CFAP54: variants seen among roughly 807,000 people sequenced by gnomAD.
The protein encoded by CFAP54 is cilia- and flagella-associated protein 54.
CFAP54 carries 290 observed loss-of-function variants against 370.4 expected under a neutral mutation model. That is an observed-to-expected ratio of 0.78 (90% confidence interval 0.71 to 0.86). The LOEUF is 0.86. Among genes scored for constraint, CFAP54 ranks in the 40% least tolerant of loss-of-function variants. CFAP54 has a pLI of 0.00. For missense variants in CFAP54, 3,399 were observed against 3,528.7 expected, an observed-to-expected ratio of 0.96 and a Z score of 0.93; for synonymous variants, 1,206 against 1,236.5, an observed-to-expected ratio of 0.98 and a Z score of 0.52.
chr12:96,789,117 T>C lies in CFAP54; in HGVS notation c.8679+2219T>C, dbSNP rs192639827. 3.9e-5 allele frequency among the ~76,000 whole-genome samples: 6 copies of C among 152,342 alleles called. 1 individual carries two copies. The highest frequency in any genetic ancestry group is 2.6e-4 in the Admixed American group (4 of 15,304). On this transcript the variant is annotated intron_variant, in intron 62 of 67. Transcript: ENST00000524981. ...GATTTTCCAATCTGGCCTCATATTA[T>C]TGGGTCATTTCAGGCTCCTCATGTG... is the stretch of plus-strand genomic sequence containing the variant.
chr12:96,638,503 G>T (rs1258058289), intron 32 of CFAP54, among the ~76,000 whole-genome samples: 3 of 151,712 alleles, frequency 2.0e-5, no homozygotes, highest in Non-Finnish European at 4.4e-5. Flanking sequence ...CTCTCAAAGT[G>T]CTGGGATTAC....
chr12:96,554,840 T>C (rs966125034), intron 17 of CFAP54, 38 bp downstream of exon 17: 4 of 1,502,484 alleles, frequency 2.7e-6, no homozygotes. Flanking sequence ...TCTGAATCAA[T>C]TTTAAGCCAG....
intron 60 of CFAP54, among the ~76,000 whole-genome samples, chr12:96,776,775 G>C (rs1275168315): frequency 1.3e-5 from 2 of 152,204 alleles, no homozygotes; most frequent in African/African-American, 4.8e-5. Context: ...GCTGTTGAAT[G>C]ACATCTTTTA....
chr12:96,756,412 T>A (rs749543621), intron 56 of CFAP54, 46 bp from the exon 57 acceptor site: 1 of 1,081,812 alleles, frequency 9.2e-7, no homozygotes, highest in Non-Finnish European at 1.4e-6. Context: ...AAGTTCTAAG[T>A]GCTAGAAAAA....
chr12:96,817,451 C>T (rs1369764135), intron 64 of CFAP54, among the ~76,000 whole-genome samples: 9 of 148,992 alleles, frequency 6.0e-5, no homozygotes, highest in Admixed American at 2.0e-4. Flanking sequence ...TTTTCTGTCT[C>T]GCTCTGTCGC....
chr12:96,803,158 A>G (rs957211026), intron 63 of CFAP54, among the ~76,000 whole-genome samples: 1 of 152,194 alleles, frequency 6.6e-6, no homozygotes, highest in Non-Finnish European at 1.5e-5. Flanking sequence ...GTGTCTTTAC[A>G]GTAGAATGAT....
chr12:96,672,205 A>G (rs1397154983), intron 39 of CFAP54, among the ~76,000 whole-genome samples: 2 of 152,134 alleles, frequency 1.3e-5, no homozygotes, highest in Non-Finnish European at 2.9e-5. Flanking sequence ...AGAGAAAAGT[A>G]TTGGATAGAG....
chr12:96,831,063 A>G (rs1025979767), intron 66 of CFAP54, among the ~76,000 whole-genome samples: 2 of 152,174 alleles, frequency 1.3e-5, no homozygotes, highest in African/African-American at 4.8e-5. Context: ...TTTTATTGTT[A>G]GTAAGGCTAA....
At position 96,527,399 on chromosome 12, in the gene CFAP54, G is replaced by A; in HGVS notation, c.1312G>A (p.Asp438Asn). 4 of 1,531,522 alleles carry A rather than the reference G, an allele frequency of 2.6e-6. No individual in the cohort carries two copies. The highest frequency in any genetic ancestry group is 3.5e-6 in the Non-Finnish European group (4 of 1,144,312). 94.9% of individuals were successfully genotyped at this position (1,531,522 alleles called of 1,614,324 possible). ...TGTTACAGATGAAGTGGAGATTCAT[G>A]ATGTTGTCTCAGAATTGTTTATGGC... Reference protein sequence around the residue: ...PIVTDEVEIHDVVSELFMAGK... With the variant: ...PIVTDEVEIHNVVSELFMAGK... Residue 438 changes from aspartate to asparagine, a missense_variant, in exon 9 of 68, where the codon GAT becomes AAT. By Grantham distance (23) the Asp-to-Asn change is conservative. Coordinates refer to ENST00000524981, the MANE Select transcript of CFAP54 (RefSeq NM_001306084.2).
At chr12:96,748,265 C>T (rs1169451191) in intron 55 of CFAP54, among the ~76,000 whole-genome samples, 1 of 152,232 alleles carries the variant, frequency 6.6e-6, no homozygotes, top group Non-Finnish European at 1.5e-5. Flanking sequence ...CTCCTACTGT[C>T]TCTAGCTCCC....
chr12:96,664,787 A>ATCTATCTATC (rs1565934545), intron 39 of CFAP54, among the ~76,000 whole-genome samples: 9 of 15,056 alleles, frequency 6.0e-4, no homozygotes, highest in South Asian at 2.9e-3. Context: ...CTATATATAT[A>ATCTATCTATC]TATATATATA....
chr12:96,493,610 AAC>A lies in CFAP54; in HGVS notation c.317+3686_317+3687del, dbSNP rs535958368. On this transcript the variant is annotated intron_variant, in intron 1 of 67. Transcript: ENST00000524981. The stretch of plus-strand genomic sequence containing the variant: ...TCAGGTATTTGAGACCAGCCTGGCC[AAC>A]ATAGTGAAACCCTGTCTCTACTAAA... Among the ~76,000 whole-genome samples, 778 of 152,336 alleles carry A rather than the reference AAC, an allele frequency of 5.1e-3. 11 individuals carry two copies. The highest frequency in any genetic ancestry group is 0.018 in the African/African-American group (734 of 41,576).
At chr12:96,681,813 G>A (rs1347308308) in intron 40 of CFAP54, among the ~76,000 whole-genome samples, 1 of 152,062 alleles carries the variant, frequency 6.6e-6, no homozygotes, top group Non-Finnish European at 1.5e-5. Context: ...TGGCCAGGCT[G>A]ATCTCAAACT....
At chr12:96,829,260 T>C (rs1029401025) in intron 66 of CFAP54, among the ~76,000 whole-genome samples, 172 bp downstream of exon 66, 7 of 152,144 alleles carry the variant, frequency 4.6e-5, no homozygotes, top group Admixed American at 6.5e-5. Flanking sequence ...TTAAAAAAAT[T>C]ATGTGTTCAA....
chr12:96,750,283 C>T (rs955454429), intron 55 of CFAP54, among the ~76,000 whole-genome samples: 8 of 148,640 alleles, frequency 5.4e-5, no homozygotes, highest in African/African-American at 1.9e-4. Flanking sequence ...CCACCTGTCT[C>T]CTGCAGCAGC....
At chr12:96,861,134 TA>T (rs1453166128) in intron 67 of CFAP54, among the ~76,000 whole-genome samples, 182 bp downstream of exon 67, 1 of 152,230 alleles carries the variant, frequency 6.6e-6, no homozygotes, top group Non-Finnish European at 1.5e-5. Context: ...TGCTGCTTAT[TA>T]AAACTATCTT....
At chr12:96,826,659 T>C (rs1364086127) in intron 65 of CFAP54, among the ~76,000 whole-genome samples, 1 of 107,710 alleles carries the variant, frequency 9.3e-6, no homozygotes, top group Non-Finnish European at 1.7e-5. Context: ...TTAAATATAT[T>C]ATATATAAAT....
At chr12:96,827,749 TA>T (rs1169533096) in intron 65 of CFAP54, among the ~76,000 whole-genome samples, 29 of 116,464 alleles carry the variant, frequency 2.5e-4, no homozygotes, top group African/African-American at 6.0e-4. Context: ...TTATATATAA[TA>T]CATAGTAACA....
At chr12:96,566,497 A>T (rs10735346) in intron 19 of CFAP54, among the ~76,000 whole-genome samples, 83,866 of 151,754 alleles carry the variant, frequency 0.55, 23,671 homozygotes, top group East Asian at 0.74. Flanking sequence ...GATTTTTTTT[A>T]AAAAAAATGA....
Sources: gnomAD v4.1 joint callset for allele counts (sites outside exome capture counted in the v4.1 genomes callset) on GRCh38, gnomAD v4.1.1 for gene constraint, MANE v1.5 for transcripts, NCBI Gene and HGNC (gene_info 2026-07-23, HGNC 2026-07-21) for gene names.